Variants in SERINC5 observed in about 807,000 individuals in gnomAD.
The protein encoded by SERINC5 is serine incorporator 5.
In SERINC5, 41 loss-of-function variants were observed where a neutral mutation model predicts 63.1. The ratio of observed to expected loss-of-function variants is 0.65; its 90% CI spans 0.51 to 0.84. The LOEUF is 0.84. Among genes scored for constraint, SERINC5 ranks in the 40% least tolerant of loss-of-function variants. The pLI, the probability that SERINC5 is intolerant of heterozygous loss-of-function variation, is 0.00. For missense variants in SERINC5, 523 were observed against 573.0 expected, an observed-to-expected ratio of 0.91 and a Z score of 0.89; for synonymous variants, 222 against 215.2, an observed-to-expected ratio of 1.03 and a Z score of -0.28.
intron 1 of SERINC5, among the ~76,000 whole-genome samples, chr5:80,231,855 CT>C (rs757210382): frequency 6.6e-6 from 1 of 151,960 alleles, no homozygotes; most frequent in Non-Finnish European, 1.5e-5. Flanking sequence ...AATCCCAGCA[CT>C]TTGGGAGGCC....
chr5:80,227,620 G>A (rs10071521), intron 1 of SERINC5, among the ~76,000 whole-genome samples: 39,595 of 92,330 alleles, frequency 0.43, 5,833 homozygotes, highest in Non-Finnish European at 0.45. Context: ...AAAAAAAAAA[G>A]AATCGCATGT....
intron 1 of SERINC5, among the ~76,000 whole-genome samples, chr5:80,243,326 T>C (rs1346336142): frequency 1.3e-5 from 2 of 152,192 alleles, no homozygotes; most frequent in African/African-American, 4.8e-5. Context: ...GACTCTTACA[T>C]AAAACATCTG....
At chr5:80,151,358 A>T (rs561981899) in intron 8 of SERINC5, among the ~76,000 whole-genome samples, 58 of 152,380 alleles carry the variant, frequency 3.8e-4, no homozygotes, top group African/African-American at 9.4e-4. Flanking sequence ...CAAGGGCATG[A>T]AAGCAAAAGT....
At chr5:80,131,635 G>C (rs1744953952) in intron 11 of SERINC5, among the ~76,000 whole-genome samples, 1 of 152,178 alleles carries the variant, frequency 6.6e-6, no homozygotes, top group Admixed American at 6.5e-5. Context: ...ATAGGGAATG[G>C]GTCATGCAGG....
intron 11 of SERINC5, chr5:80,128,537 G>A (rs1744827820): frequency 6.6e-6 from 1 of 152,226 alleles, no homozygotes. Flanking sequence ...TAAAGGGGAA[G>A]ATCTTGTGGG....
chr5:80,186,263 AGTAGCTGGGATTACAG>A (rs1748801911), intron 2 of SERINC5, among the ~76,000 whole-genome samples: 1 of 151,576 alleles, frequency 6.6e-6, no homozygotes, highest in Non-Finnish European at 1.5e-5. Context: ...CAGCCTCCCG[AGTAGCTGGGATTACAG>A]GTGCCTGCCA....
chr5:80,176,477 G>C (rs1263387516), intron 4 of SERINC5, among the ~76,000 whole-genome samples: 1 of 152,158 alleles, frequency 6.6e-6, no homozygotes, highest in Non-Finnish European at 1.5e-5. Flanking sequence ...TGTCGCCCAG[G>C]CTGGAGTACA....
Position 80,254,338 on chromosome 5 carries a change from AG to A in SERINC5, c.27+1557del, listed in dbSNP as rs200517317. Among the ~76,000 whole-genome samples, 216 of 152,368 alleles carry A rather than the reference AG, an allele frequency of 1.4e-3. 4 individuals carry two copies. In the East Asian group the frequency reaches 0.034, roughly 24 times the overall value. The stretch of plus-strand genomic sequence containing the variant: ...ATGCCTCCAGCAGGCCTGGGAAAGC[AG>A]GGGTTAACTTTGATTTGGTTCTTTC... On this transcript the variant is annotated intron_variant, in intron 1 of 11. Coordinates refer to ENST00000507668, the MANE Select transcript of SERINC5 (RefSeq NM_001174072.3).
rs142994939 is a variant in SERINC5, at chr5:80,147,379, G to GCCCTGAATTGCCCGTAT, written c.1054-96_1054-95insATACGGGCAATTCAGGG. 18,000 of 1,302,898 alleles carry GCCCTGAATTGCCCGTAT rather than the reference G, an allele frequency of 0.014. 1,954 individuals carry two copies. In the African/African-American group the frequency reaches 0.23, roughly 17 times the overall value. The allele number at this position is 1,302,898 out of a possible 1,614,324, so 80.7% of individuals were successfully genotyped here. A position where few individuals can be genotyped will look rare whatever the true frequency, so the allele number is the denominator to read the frequency against. ...AACCCTTATTTGAACCACCTCCCAG[G>GCCCTGAATTGCCCGTAT]CCCTTCAAAAGATGTGGACTGTTCT... On this transcript the variant is annotated intron_variant, in intron 9 of 11. Coordinates refer to ENST00000507668, the MANE Select transcript of SERINC5 (RefSeq NM_001174072.3).
At chr5:80,233,713 G>A (rs1751556357) in intron 1 of SERINC5, among the ~76,000 whole-genome samples, 2 of 149,862 alleles carry the variant, frequency 1.3e-5, no homozygotes, top group South Asian at 4.2e-4. Flanking sequence ...TTTAGGAGCT[G>A]AAATTGCTTC....
At chr5:80,131,802 A>C (rs1332124081) in intron 11 of SERINC5, among the ~76,000 whole-genome samples, 2 of 152,202 alleles carry the variant, frequency 1.3e-5, no homozygotes, top group Non-Finnish European at 2.9e-5. Context: ...TCCTAAGAAG[A>C]GATGGGGTCT....
Position 80,143,527 on chromosome 5 carries a change from A to AT in SERINC5, c.*135dup, listed in dbSNP as rs58694950. 9.5e-3 allele frequency: 9,652 copies of AT among 1,013,964 alleles called. 2 individuals are homozygous for AT. The highest frequency in any genetic ancestry group is 0.02 in the South Asian group (816 of 41,474). 62.8% of individuals were successfully genotyped at this position (1,013,964 alleles called of 1,614,324 possible). A position where few individuals can be genotyped will look rare whatever the true frequency, so the allele number is the denominator to read the frequency against. ...TCAAAAGTAAAAAGCTAATCAGGAG[A>AT]TTTTTTTTTTTCTCTCTCAAAGCTT... On this transcript the variant is annotated 3_prime_UTR_variant, in exon 12 of 12. Transcript: ENST00000507668.
At chr5:80,190,425 T>C (rs535556568) in intron 2 of SERINC5, among the ~76,000 whole-genome samples, 1 of 152,174 alleles carries the variant, frequency 6.6e-6, no homozygotes, top group South Asian at 2.1e-4. Context: ...CCAGTGAATT[T>C]AGAGTTTGCA....
chr5:80,158,021 A>G (rs953761658), intron 8 of SERINC5: 3 of 152,238 alleles, frequency 2.0e-5, no homozygotes, highest in South Asian at 2.1e-4. Context: ...AAGGAAGTTT[A>G]CAATGTGCCT....
chr5:80,206,420 T>C (rs887709514), intron 1 of SERINC5, among the ~76,000 whole-genome samples: 3 of 152,206 alleles, frequency 2.0e-5, no homozygotes, highest in African/African-American at 7.2e-5. Flanking sequence ...TTGAGCCCTG[T>C]GTCATTCTCT....
chr5:80,232,949 TG>T (rs1253237370), intron 1 of SERINC5, among the ~76,000 whole-genome samples: 2 of 152,152 alleles, frequency 1.3e-5, no homozygotes. Context: ...GATTAACAAT[TG>T]CCAGGGCTCT....
Position 80,255,930 on chromosome 5 carries a change from G to T in SERINC5, c.-8C>A. The stretch of plus-strand genomic sequence containing the variant: ...ACAGCACTGAGCTGACATCGCGGCG[G>T]CCAATGCCGAAGGCGCGCTCGCTGG... On this transcript the variant is annotated 5_prime_UTR_variant, in exon 1 of 12. Transcript: ENST00000507668. 1 of 1,552,888 alleles carries T rather than the reference G, an allele frequency of 6.4e-7. No homozygotes were observed.
chr5:80,200,577 G>A (rs1274887376), intron 2 of SERINC5, among the ~76,000 whole-genome samples: 3 of 152,032 alleles, frequency 2.0e-5, no homozygotes, highest in African/African-American at 4.8e-5. Flanking sequence ...AACACCCCAC[G>A]GCTAGCACTA....
chr5:80,203,068 G>C lies in SERINC5; in HGVS notation c.28-15C>G. Reference sequence around the variant, plus strand: ...CAGCAGGCCAGCTAGAAAAGGAACAGAAGGCATCTGCTTAGAGCATGATAC... The same window carrying C: ...CAGCAGGCCAGCTAGAAAAGGAACACAAGGCATCTGCTTAGAGCATGATAC... On this transcript the variant is annotated splice_polypyrimidine_tract_variant and intron_variant, in intron 1 of 11. Coordinates refer to ENST00000507668, the MANE Select transcript of SERINC5 (RefSeq NM_001174072.3). 1 of 1,590,584 alleles carries C rather than the reference G, an allele frequency of 6.3e-7. No homozygotes were observed. The highest frequency in any genetic ancestry group is 8.6e-7 in the Non-Finnish European group (1 of 1,167,774).
Sources: allele counts gnomAD v4.1 joint callset (sites outside exome capture counted in the v4.1 genomes callset), GRCh38; gene constraint gnomAD v4.1.1; transcripts MANE v1.5; gene names NCBI Gene and HGNC (gene_info 2026-07-23, HGNC 2026-07-21).